Variants in GMDS observed in about 807,000 individuals in gnomAD.
The protein encoded by GMDS is GDP-mannose 4,6-dehydratase, also known as GDP-mannose 4,6 dehydratase.
GMDS carries 20 observed loss-of-function variants against 49.9 expected under a neutral mutation model. The observed-to-expected ratio is 0.40, with a 90% confidence interval of 0.28 to 0.58. GMDS has a LOEUF of 0.58. Among genes scored for constraint, GMDS ranks in the 20% least tolerant of loss-of-function variants. The probability of loss-of-function intolerance (pLI) is 0.42; values close to 1 mark genes in which losing one functional copy is unlikely to be tolerated. For synonymous variants in GMDS, 177 were observed against 178.6 expected, an observed-to-expected ratio of 0.99 and a Z score of 0.07; for missense variants, 362 against 481.4, an observed-to-expected ratio of 0.75 and a Z score of 2.32.
At chr6:2,092,013 AT>A (rs1310567510) in intron 4 of GMDS, among the ~76,000 whole-genome samples, 1 of 152,206 alleles carries the variant, frequency 6.6e-6, no homozygotes, top group Non-Finnish European at 1.5e-5. Context: ...GGAAGAGTGG[AT>A]TCATGGGAAC....
intron 9 of GMDS, among the ~76,000 whole-genome samples, chr6:1,686,615 G>A (rs533445427): frequency 1.3e-4 from 20 of 152,220 alleles, no homozygotes; most frequent in African/African-American, 3.6e-4. Context: ...GATCCCCCCC[G>A]GGTTGGCTTG....
At chr6:2,245,298 C>T (rs1781814243) in intron 1 of GMDS, 23 bp downstream of exon 1, 2 of 1,480,492 alleles carry the variant, frequency 1.4e-6, no homozygotes, top group Non-Finnish European at 1.8e-6. Context: ...CCTCGGCCGG[C>T]GCGCCCCCGC....
chr6:1,718,701 T>C (rs990936749), intron 9 of GMDS, among the ~76,000 whole-genome samples: 3 of 151,956 alleles, frequency 2.0e-5, no homozygotes, highest in African/African-American at 7.2e-5. Context: ...TCTACGGTAA[T>C]GGAATGTTCA....
At chr6:2,007,385 G>C (rs746074281) in intron 4 of GMDS, among the ~76,000 whole-genome samples, 4 of 151,978 alleles carry the variant, frequency 2.6e-5, no homozygotes, top group Admixed American at 6.6e-5. Context: ...GGTAAAACAT[G>C]CCACTCTTTC....
intron 7 of GMDS, among the ~76,000 whole-genome samples, chr6:1,872,568 T>G (rs889151179): frequency 6.6e-6 from 1 of 152,160 alleles, no homozygotes; most frequent in African/African-American, 2.4e-5. Flanking sequence ...CCAAAAGGGG[T>G]ACAATATATC....
At chr6:1,781,105 G>C (rs10080724) in intron 7 of GMDS, among the ~76,000 whole-genome samples, 1 of 152,084 alleles carries the variant, frequency 6.6e-6, no homozygotes, top group African/African-American at 2.4e-5. Flanking sequence ...GAAGGACACC[G>C]AGAAGGCACA....
chr6:2,104,369 T>C (rs760748677), intron 4 of GMDS, among the ~76,000 whole-genome samples: 1 of 152,254 alleles, frequency 6.6e-6, no homozygotes, highest in African/African-American at 2.4e-5. Flanking sequence ...TCTTATTTTA[T>C]GTTTAAGTAT....
At chr6:2,190,189 G>A (rs1036823381) in intron 1 of GMDS, among the ~76,000 whole-genome samples, 13 of 152,128 alleles carry the variant, frequency 8.5e-5, no homozygotes, top group African/African-American at 2.7e-4. Flanking sequence ...AGCAAATGTG[G>A]AATGGGAACC....
chr6:1,638,999 C>T (rs1285500237), intron 9 of GMDS, among the ~76,000 whole-genome samples: 1 of 152,182 alleles, frequency 6.6e-6, no homozygotes, highest in African/African-American at 2.4e-5. Flanking sequence ...TTCATACATG[C>T]AGTCAGCCCA....
At chr6:2,155,208 A>C (rs1049342853) in intron 1 of GMDS, among the ~76,000 whole-genome samples, 2 of 152,196 alleles carry the variant, frequency 1.3e-5, no homozygotes, top group African/African-American at 4.8e-5. Flanking sequence ...AATCATAAGG[A>C]TATTTGTCCT....
At chr6:1,711,278 C>A (rs189007755) in intron 9 of GMDS, among the ~76,000 whole-genome samples, 89 of 152,332 alleles carry the variant, frequency 5.8e-4, no homozygotes, top group African/African-American at 2.1e-3. Flanking sequence ...AGGATCCCTG[C>A]AGAGTCCTAC....
chr6:2,189,892 G>T (rs1332377884), intron 1 of GMDS, among the ~76,000 whole-genome samples: 1 of 147,406 alleles, frequency 6.8e-6, no homozygotes, highest in African/African-American at 2.5e-5. Context: ...ATGACTCCAG[G>T]ACTACTGGGT....
intron 7 of GMDS, among the ~76,000 whole-genome samples, chr6:1,896,506 T>C (rs1760197365): frequency 6.6e-6 from 1 of 151,744 alleles, no homozygotes; most frequent in Non-Finnish European, 1.5e-5. Flanking sequence ...GGGGAAAGCA[T>C]GTAAGAAAGT....
At chr6:2,125,052 T>C (rs1403759346) in intron 1 of GMDS, among the ~76,000 whole-genome samples, 1 of 152,164 alleles carries the variant, frequency 6.6e-6, no homozygotes, top group Non-Finnish European at 1.5e-5. Context: ...CACTTACCAG[T>C]TGTGTGAAAC....
chr6:1,773,756 T>C (rs1481745442), intron 7 of GMDS, among the ~76,000 whole-genome samples: 1 of 152,232 alleles, frequency 6.6e-6, no homozygotes, highest in Non-Finnish European at 1.5e-5. Flanking sequence ...AATTATATCT[T>C]ATTCCAAGAA....
intron 4 of GMDS, among the ~76,000 whole-genome samples, chr6:1,973,546 C>T (rs929228841): frequency 4.6e-5 from 7 of 151,980 alleles, no homozygotes; most frequent in Non-Finnish European, 1.5e-5. Flanking sequence ...ATGTTTGCTG[C>T]CAGTTACCAC....
chr6:1,861,762 A>G (rs1758198472), intron 7 of GMDS, among the ~76,000 whole-genome samples: 1 of 152,228 alleles, frequency 6.6e-6, no homozygotes, highest in Non-Finnish European at 1.5e-5. Flanking sequence ...AGAAGCCAAC[A>G]TAAGAGAATG....
At chr6:1,751,371 G>A (rs1487038257) in intron 7 of GMDS, among the ~76,000 whole-genome samples, 2 of 152,240 alleles carry the variant, frequency 1.3e-5, no homozygotes, top group Non-Finnish European at 2.9e-5. Flanking sequence ...GCTCCCGGAG[G>A]AAGGAACAGG....
chr6:1,936,727 G>A (rs1001757970), intron 6 of GMDS, among the ~76,000 whole-genome samples: 11 of 152,202 alleles, frequency 7.2e-5, no homozygotes, highest in African/African-American at 2.7e-4. Flanking sequence ...AACACTTTGG[G>A]AGGCTGAGGT....
Sources: gnomAD v4.1 joint callset for allele counts (sites outside exome capture counted in the v4.1 genomes callset) on GRCh38, gnomAD v4.1.1 for gene constraint, MANE v1.5 for transcripts, NCBI Gene and HGNC (gene_info 2026-07-23, HGNC 2026-07-21) for gene names.